HEATR5A: variants seen among roughly 807,000 people sequenced by gnomAD.
HEATR5A encodes HEAT repeat containing 5A, also known as HEAT repeat-containing protein 5A.
HEATR5A carries 178 observed loss-of-function variants against 218.8 expected under a neutral mutation model. That is an observed-to-expected ratio of 0.81 (90% CI 0.72 to 0.92). The LOEUF (loss-of-function observed/expected upper bound fraction) is 0.92. HEATR5A is among the 40% of genes least tolerant of loss of function. The pLI, the probability that HEATR5A is intolerant of heterozygous loss-of-function variation, is 0.00. For synonymous variants in HEATR5A, 864 were observed against 871.6 expected, an observed-to-expected ratio of 0.99 and a Z score of 0.15; for missense variants, 2,420 against 2,418.9, an observed-to-expected ratio of 1.00 and a Z score of -0.01.
intron 3 of HEATR5A, among the ~76,000 whole-genome samples, chr14:31,399,297 G>A (rs61414525): frequency 0.016 from 2,407 of 152,214 alleles, 56 homozygotes; most frequent in African/African-American, 0.055. Flanking sequence ...TAATAAGGAT[G>A]TATCAATCTG....
intron 25 of HEATR5A, among the ~76,000 whole-genome samples, chr14:31,319,831 G>C (rs970226218): frequency 6.6e-6 from 1 of 152,094 alleles, no homozygotes; most frequent in African/African-American, 2.4e-5. Flanking sequence ...GATCACTTGA[G>C]CCCAAGAGTT....
At chr14:31,302,222 T>C in intron 33 of HEATR5A, 73 bp downstream of exon 33, 2 of 1,069,392 alleles carry the variant, frequency 1.9e-6, no homozygotes, top group Non-Finnish European at 2.8e-6. Context: ...TCAAGTAAAA[T>C]ATCTTATCCT....
At position 31,302,447 on chromosome 14, in the gene HEATR5A, G is replaced by A. The variant is rs748959184; in HGVS notation, c.5312C>T (p.Pro1771Leu). ...GVLRETAVKL[P>L]GGQLSSTVAA... is the part of the protein sequence containing the mutation. ...AACTGTCGAAGATAACTGGCCCCCA[G>A]GTAACTTCACAGCAGTCTCTCTGAG... Residue 1771 changes from proline (P) to leucine (L), a missense_variant, in exon 33 of 36, where the codon CCT becomes CTT. Transcript: ENST00000543095. 1.0e-5 allele frequency: 16 copies of A among 1,597,992 alleles called. No homozygotes were observed. The highest frequency in any genetic ancestry group is 3.3e-4 in the Middle Eastern group (2 of 6,064).
At chr14:31,326,563 AAG>A (rs1900273041) in intron 22 of HEATR5A, among the ~76,000 whole-genome samples, 1 of 152,208 alleles carries the variant, frequency 6.6e-6, no homozygotes, top group South Asian at 2.1e-4. Flanking sequence ...CACTGAAAAA[AAG>A]TATTCATATG....
chr14:31,336,213 CATACATATAT>C (rs1482405238), intron 22 of HEATR5A, among the ~76,000 whole-genome samples: 3,275 of 90,614 alleles, frequency 0.036, 200 homozygotes, highest in East Asian at 0.052. Context: ...TATATACATA[CATACATATAT>C]ATATATATAT....
chr14:31,320,420 G>GC, intron 25 of HEATR5A: 1 of 1,214,264 alleles, frequency 8.2e-7, no homozygotes, highest in Admixed American at 1.7e-5. Context: ...GGCTGACCCA[G>GC]CACCAATAAA....
intron 14 of HEATR5A, among the ~76,000 whole-genome samples, chr14:31,363,846 G>C (rs553942796): frequency 6.6e-6 from 1 of 152,170 alleles, no homozygotes; most frequent in East Asian, 1.9e-4. Flanking sequence ...GCTGAGCGTG[G>C]TGGTGTGCCT....
intron 16 of HEATR5A, among the ~76,000 whole-genome samples, chr14:31,354,062 G>A (rs1326876177): frequency 6.6e-6 from 1 of 151,868 alleles, no homozygotes; most frequent in Non-Finnish European, 1.5e-5. Flanking sequence ...GCTTCCCAAA[G>A]TGCTGGGATT....
intron 25 of HEATR5A, among the ~76,000 whole-genome samples, chr14:31,319,905 G>C (rs1368051300): frequency 5.9e-5 from 9 of 151,992 alleles, no homozygotes; most frequent in African/African-American, 1.9e-4. Context: ...AATTAGCCGA[G>C]CGTGGTGGCG....
In HEATR5A at chr14:31,293,204, T is replaced by C; in HGVS notation, c.*101A>G. ...AGCTATTTAAGGTAAAACAATCAAC[T>C]AGACCTCTAAGGGCACTTGTGTCTA... On this transcript the variant is annotated 3_prime_UTR_variant, in exon 36 of 36. Transcript: ENST00000543095. 1.2e-6 allele frequency: 1 copy of C among 863,414 alleles called. No homozygotes were observed. Among genetic ancestry groups the C allele is most frequent in the Admixed American group, 2.7e-5 (1 of 37,002 alleles). The allele number at this position is 863,414 out of a possible 1,614,324, so 53.5% of individuals were successfully genotyped here.
At chr14:31,388,405 A>G (rs1371183840) in intron 7 of HEATR5A, among the ~76,000 whole-genome samples, 1 of 152,236 alleles carries the variant, frequency 6.6e-6, no homozygotes, top group African/African-American at 2.4e-5. Context: ...TTTAGGATGA[A>G]AAATTTAAGC....
chr14:31,351,567 A>C (rs1028980417), intron 16 of HEATR5A, among the ~76,000 whole-genome samples: 2 of 152,112 alleles, frequency 1.3e-5, no homozygotes, highest in Non-Finnish European at 2.9e-5. Context: ...TGTTAAATGA[A>C]AAAAGCAAGA....
intron 9 of HEATR5A, among the ~76,000 whole-genome samples, chr14:31,385,889 G>T (rs2030199186): frequency 6.6e-6 from 1 of 151,974 alleles, no homozygotes; most frequent in Admixed American, 6.6e-5. Context: ...CACCATGACG[G>T]GCTAATTTTT....
intron 22 of HEATR5A, among the ~76,000 whole-genome samples, chr14:31,328,396 T>C (rs914043240): frequency 6.6e-5 from 10 of 152,172 alleles, no homozygotes; most frequent in African/African-American, 2.4e-4. Flanking sequence ...GACTGGATCT[T>C]AGATTTAGGT....
chr14:31,307,737 C>T (rs1469216729), intron 30 of HEATR5A, among the ~76,000 whole-genome samples, 156 bp downstream of exon 30: 2 of 152,086 alleles, frequency 1.3e-5, no homozygotes, highest in African/African-American at 2.4e-5. Flanking sequence ...AACACATATG[C>T]TTATGGCATT....
At chr14:31,371,528 T>A (rs867195529) in intron 13 of HEATR5A, 4 of 220,974 alleles carry the variant, frequency 1.8e-5, no homozygotes, top group African/African-American at 4.5e-5. Context: ...CAGAATACTC[T>A]AACAAACCAA....
chr14:31,383,471 C>T, intron 10 of HEATR5A, 50 bp downstream of exon 10: 1 of 1,538,360 alleles, frequency 6.5e-7, no homozygotes, highest in Non-Finnish European at 8.8e-7. Flanking sequence ...TGTGAAGATA[C>T]TTCTAACAAA....
intron 14 of HEATR5A, among the ~76,000 whole-genome samples, chr14:31,360,396 T>G (rs931888204): frequency 2.0e-5 from 3 of 152,224 alleles, no homozygotes; most frequent in African/African-American, 7.2e-5. Flanking sequence ...ATTTTTGCTT[T>G]TGGTGATGGG....
intron 9 of HEATR5A, 140 bp downstream of exon 9, chr14:31,386,280 A>G (rs1266587285): frequency 1.6e-6 from 1 of 639,704 alleles, no homozygotes; most frequent in African/African-American, 1.9e-5. Context: ...TCTTTTTAAT[A>G]ATCCTGATTA....
Sources: gnomAD v4.1 joint callset for allele counts (sites outside exome capture counted in the v4.1 genomes callset) on GRCh38, gnomAD v4.1.1 for gene constraint, MANE v1.5 for transcripts, NCBI Gene and HGNC (gene_info 2026-07-23, HGNC 2026-07-21) for gene names.